The following MFN1 variants were observed in gnomAD, a reference collection of about 807,000 sequenced individuals.
MFN1 encodes the protein mitofusin 1.
MFN1 carries 65 observed loss-of-function variants against 92.4 expected under a neutral mutation model. The ratio of observed to expected loss-of-function variants is 0.70; its 90% CI spans 0.58 to 0.86. The LOEUF is 0.86. MFN1 is among the 40% of genes least tolerant of loss of function. MFN1 has a pLI of 0.00. For synonymous variants in MFN1, 297 were observed against 300.9 expected (o/e 0.99, Z 0.13); for missense variants, 781 against 868.0 (o/e 0.90, Z 1.26).
Position 179,370,844 on chromosome 3 carries a change from T to C in MFN1, c.975+2741T>C, listed in dbSNP as rs1391950571. On this transcript the variant is annotated intron_variant, in intron 9 of 17. Coordinates refer to ENST00000471841, the MANE Select transcript of MFN1 (RefSeq NM_033540.3). ...AGGTTTTCAGTACTAGTTTAGTTTT[T>C]GTTGTTTTTGTTTCTAATTATCCTT... Among the ~76,000 whole-genome samples, 6 of 150,446 alleles carry C rather than the reference T, an allele frequency of 4.0e-5. No homozygotes were observed. In the East Asian group the frequency reaches 1.2e-3, roughly 29 times the overall value.
rs1311891580 is a variant in MFN1 at position 179,394,492 on chromosome 3, T to C, written c.*2433T>C. The C allele has an allele frequency of 7.3e-6, 1 of 137,598 alleles. No homozygotes were observed. Among genetic ancestry groups the C allele is most frequent in the African/African-American group, 2.7e-5 (1 of 36,478 alleles). The allele number at this position is 137,598 out of a possible 1,614,324, so 8.5% of individuals were successfully genotyped here. A position where few individuals can be genotyped will look rare whatever the true frequency, so the allele number is the denominator to read the frequency against. On this transcript the variant is annotated 3_prime_UTR_variant, in exon 18 of 18. Transcript: ENST00000471841. ...GTGCAGTGGCGCGATCTCGGCTCAC[T>C]GCAAGCTCCGCCTCCCGGGTTCACG...
Position 179,362,377 on chromosome 3 carries a change from A to G in MFN1, c.431A>G (p.His144Arg). The G allele has an allele frequency of 1.2e-6, 2 of 1,611,932 alleles. No homozygotes were observed. Among genetic ancestry groups the G allele is most frequent in the Non-Finnish European group, 1.7e-6 (2 of 1,179,570 alleles). Residue 144 changes from histidine (H) to arginine (R), a missense_variant, in exon 5 of 18, where the codon CAT becomes CGT. Coordinates refer to ENST00000471841, the MANE Select transcript of MFN1 (RefSeq NM_033540.3). ...CTTTAGACAGTTAATCAACTGGCCCATGCCCTTCACATGGACAAAGATTTG... is the reference window on the plus strand; with the variant it reads ...CTTTAGACAGTTAATCAACTGGCCCGTGCCCTTCACATGGACAAAGATTTG... ...KSVKTVNQLA[H>R]ALHMDKDLKA... is the part of the protein sequence containing the mutation.
chr3:179,368,458 CA>C (rs143444493), intron 9 of MFN1, among the ~76,000 whole-genome samples: 2,205 of 152,254 alleles, frequency 0.014, 59 homozygotes, highest in South Asian at 0.11. Context: ...GATAATAGAG[CA>C]AAGTAAGCAT....
rs919600692 is a variant in MFN1 at position 179,368,218 on chromosome 3, T to G, written c.975+115T>G. 5 of 669,704 alleles carry G rather than the reference T, an allele frequency of 7.5e-6. No homozygotes were observed. In the Admixed American group the frequency reaches 1.7e-4, roughly 22 times the overall value. 41.5% of individuals were successfully genotyped at this position (669,704 alleles called of 1,614,324 possible). A position where few individuals can be genotyped will look rare whatever the true frequency, so the allele number is the denominator to read the frequency against. ...CAATAACTTTTGCTGTTATTTAGTT[T>G]AGTTACTGACACAGCCAGTAAAATG... is the stretch of plus-strand genomic sequence containing the variant. On this transcript the variant is annotated intron_variant, in intron 9 of 17. Transcript: ENST00000471841.
intron 9 of MFN1, among the ~76,000 whole-genome samples, chr3:179,368,743 C>G (rs552266620): frequency 2.6e-5 from 4 of 152,316 alleles, no homozygotes; most frequent in African/African-American, 9.6e-5. Context: ...GACATTAAAA[C>G]TCACCCTACA....
In MFN1 at chr3:179,390,138, G is replaced by T; in HGVS notation, c.2147G>T (p.Arg716Ile). The T allele has an allele frequency of 2.6e-6, 4 of 1,568,150 alleles. No individual in the cohort carries two copies. The highest frequency in any genetic ancestry group is 1.2e-5 in the South Asian group (1 of 80,720). ...EKIQNNSKLLRNKAVQLENEL... is the reference protein window; with the variant it reads ...EKIQNNSKLLINKAVQLENEL... Reference sequence around the variant, plus strand: ...ATACAAAACAATTCAAAGCTCTTAAGGTATTTAAACCTTTCTTCTCAATAA... The same window carrying T: ...ATACAAAACAATTCAAAGCTCTTAATGTATTTAAACCTTTCTTCTCAATAA... Residue 716 changes from arginine (R) to isoleucine (I), a missense_variant and splice_region_variant, in exon 17 of 18, where the codon AGA (arginine) becomes ATA (isoleucine). Transcript: ENST00000471841.
intron 2 of MFN1, among the ~76,000 whole-genome samples, chr3:179,351,118 T>C (rs556241971): frequency 3.3e-5 from 5 of 152,304 alleles, no homozygotes; most frequent in African/African-American, 9.6e-5. Context: ...TCTTCATGTC[T>C]TTACCTTCAA....
rs1428005788 is a variant in MFN1, at chr3:179,352,887, A to G, written c.248+852A>G. On this transcript the variant is annotated intron_variant, in intron 3 of 17. Transcript: ENST00000471841. ...CTGCCTCAGCCTCCCTAGTAGCTGG[A>G]ATTATAGGCGTGTGCCACCATACCT... is the stretch of plus-strand genomic sequence containing the variant. 8.8e-4 allele frequency among the ~76,000 whole-genome samples: 113 copies of G among 127,812 alleles called. No individual in the cohort carries two copies. The Middle Eastern group carries it at 0.025, about 28-fold the overall frequency. 83.8% of individuals were successfully genotyped at this position (127,812 alleles called of 152,430 possible).
At chr3:179,375,460 T>C in intron 10 of MFN1, 119 bp downstream of exon 10, 1 of 1,204,826 alleles carries the variant, frequency 8.3e-7, no homozygotes, top group South Asian at 1.3e-5. Context: ...ACCTTGTGGG[T>C]TTAACTGATG....
chr3:179,352,844 C>T lies in MFN1; in HGVS notation c.248+809C>T, dbSNP rs575268088. ...TCGGCTCGCTGCAACCTCCACATCCCGGGTTCAAGCGATTCTCCTGCCTCA... is the reference window on the plus strand; with the variant it reads ...TCGGCTCGCTGCAACCTCCACATCCTGGGTTCAAGCGATTCTCCTGCCTCA... On this transcript the variant is annotated intron_variant, in intron 3 of 17. Coordinates refer to ENST00000471841, the MANE Select transcript of MFN1 (RefSeq NM_033540.3). 7.9e-5 allele frequency among the ~76,000 whole-genome samples: 12 copies of T among 152,176 alleles called. No individual in the cohort carries two copies. In the South Asian group the frequency reaches 2.3e-3, roughly 29 times the overall value.
chr3:179,373,628 G>T (rs1413552038), intron 9 of MFN1, among the ~76,000 whole-genome samples: 1 of 152,010 alleles, frequency 6.6e-6, no homozygotes, highest in African/African-American at 2.4e-5. Context: ...TTTCTGTGAA[G>T]TAAAAATGAA....
At chr3:179,391,079 T>A (rs1204626380) in intron 17 of MFN1, among the ~76,000 whole-genome samples, 1 of 152,222 alleles carries the variant, frequency 6.6e-6, no homozygotes, top group Non-Finnish European at 1.5e-5. Flanking sequence ...TTAAGTCAGC[T>A]CATCCCATAT....
chr3:179,390,058 A>C lies in MFN1; in HGVS notation c.2067A>C (p.Lys689Asn), dbSNP rs1350565963. 6.2e-7 allele frequency: 1 copy of C among 1,605,796 alleles called. No homozygotes were observed. The highest frequency in any genetic ancestry group is 8.5e-7 in the Non-Finnish European group (1 of 1,177,852). Residue 689 changes from lysine (K) to asparagine (N), a missense_variant, in exon 17 of 18, where the codon AAA (lysine) becomes AAC (asparagine). Coordinates refer to ENST00000471841, the MANE Select transcript of MFN1 (RefSeq NM_033540.3). ...RLCQQVDITQ[K>N]QLEEEIARLP... ...GCCAACAAGTTGATATTACTCAAAAACAGCTGGAAGAAGAAATTGCTAGAT... is the reference window on the plus strand; with the variant it reads ...GCCAACAAGTTGATATTACTCAAAACCAGCTGGAAGAAGAAATTGCTAGAT...
chr3:179,369,214 T>C (rs1344540260), intron 9 of MFN1, among the ~76,000 whole-genome samples: 1 of 142,886 alleles, frequency 7.0e-6, no homozygotes, highest in African/African-American at 3.1e-5. Flanking sequence ...TCTCCTCACC[T>C]CTTTTTTCTC....
chr3:179,385,779 A>G lies in MFN1; in HGVS notation c.1815+58A>G, dbSNP rs959858485. On this transcript the variant is annotated intron_variant, in intron 15 of 17. Coordinates refer to ENST00000471841, the MANE Select transcript of MFN1 (RefSeq NM_033540.3). ...CGAAATGTTTGCAAGGCTGCCTGTT[A>G]GCTCACAAAAGAAAAGGTATACAGT... 1.0e-4 allele frequency: 150 copies of G among 1,502,290 alleles called. No individual in the cohort carries two copies. In the African/African-American group the frequency reaches 1.8e-3, roughly 18 times the overall value. 93.1% of individuals were successfully genotyped at this position (1,502,290 alleles called of 1,614,324 possible). A position where few individuals can be genotyped will look rare whatever the true frequency, so the allele number is the denominator to read the frequency against.
rs1052695641 is a variant in MFN1, at chr3:179,347,749, A to G, written c.-69A>G. The G allele has an allele frequency of 1.3e-5, 2 of 152,396 alleles. No individual in the cohort carries two copies. Among genetic ancestry groups the G allele is most frequent in the Non-Finnish European group, 2.9e-5 (2 of 68,184 alleles). 9.4% of individuals were successfully genotyped at this position (152,396 alleles called of 1,614,324 possible). A position where few individuals can be genotyped will look rare whatever the true frequency, so the allele number is the denominator to read the frequency against. ...TCTCCGCCTTTAACTTCTCGGGAAG[A>G]TGAGGCAGTTTGGCATCTGTGGCCG... On this transcript the variant is annotated 5_prime_UTR_variant, in exon 1 of 18. It removes an upstream start codon present in the reference 5' UTR. Coordinates refer to ENST00000471841, the MANE Select transcript of MFN1 (RefSeq NM_033540.3).
chr3:179,376,990 C>T, intron 10 of MFN1, 52 bp from the exon 11 acceptor site: 1 of 1,588,806 alleles, frequency 6.3e-7, no homozygotes, highest in South Asian at 1.1e-5. Context: ...TGCTGAAATG[C>T]TTTAGGACTT....
At chr3:179,363,977 T>A (rs1712685510) in intron 5 of MFN1, among the ~76,000 whole-genome samples, 2 of 152,190 alleles carry the variant, frequency 1.3e-5, no homozygotes, top group Non-Finnish European at 2.9e-5. Context: ...AAATTTATAT[T>A]TTTTTATTTG....
chr3:179,375,417 GT>G (rs746618740), intron 10 of MFN1, 76 bp downstream of exon 10: 1 of 1,556,902 alleles, frequency 6.4e-7, no homozygotes, highest in Non-Finnish European at 8.8e-7. Flanking sequence ...GTTTTAAATT[GT>G]TGTACTATAA....
Sources: gnomAD v4.1 joint callset for allele counts (sites outside exome capture counted in the v4.1 genomes callset) on GRCh38, gnomAD v4.1.1 for gene constraint, MANE v1.5 for transcripts, NCBI Gene and HGNC (gene_info 2026-07-23, HGNC 2026-07-21) for gene names.